Variants in STARD13 observed in about 807,000 individuals in gnomAD.
STARD13 encodes the protein stAR-related lipid transfer protein 13.
STARD13 carries 62 observed loss-of-function variants against 106.4 expected under a neutral mutation model. The ratio of observed to expected loss-of-function variants is 0.58; its 90% CI spans 0.48 to 0.72. The LOEUF (loss-of-function observed/expected upper bound fraction) is 0.72, where lower values mean the gene tolerates loss of function less well. STARD13 is among the 30% of genes least tolerant of loss of function. The probability of loss-of-function intolerance (pLI) is 0.00; values close to 1 mark genes in which losing one functional copy is unlikely to be tolerated. For synonymous variants in STARD13, 565 were observed against 553.0 expected (o/e 1.02, Z -0.31); for missense variants, 1,387 against 1,424.0 (o/e 0.97, Z 0.42).
the STARD13 span, among the ~76,000 whole-genome samples, chr13:33,412,645 C>T: frequency 2.0e-5 from 3 of 151,790 alleles, no homozygotes; most frequent in African/African-American, 4.8e-5. Context: ...ACCATACAAA[C>T]ATTAATTGAA....
At chr13:33,433,056 T>C in the STARD13 span, among the ~76,000 whole-genome samples, 1 of 152,172 alleles carries the variant, frequency 6.6e-6, no homozygotes, top group African/African-American at 2.4e-5. Flanking sequence ...AATGAGAAGA[T>C]TAAAAGGATG....
At position 33,198,411 on chromosome 13, in the gene STARD13, C is replaced by T. The variant is rs530706014; in HGVS notation, c.170-30789G>A. Among the ~76,000 whole-genome samples, 4 of 152,066 alleles carry T rather than the reference C, an allele frequency of 2.6e-5. No homozygotes were observed. In the South Asian group the frequency reaches 8.3e-4, roughly 32 times the overall value. On this transcript the variant is annotated intron_variant, in intron 1 of 13. Coordinates refer to ENST00000336934, the MANE Select transcript of STARD13 (RefSeq NM_178006.4). ...GCCCTATCTGTCTCCTCTGCTTGAC[C>T]CAGGCTTACCCCAGATGTTTAGAGA... is the stretch of plus-strand genomic sequence containing the variant.
At chr13:33,674,804 C>A in the STARD13 span, among the ~76,000 whole-genome samples, 1 of 151,980 alleles carries the variant, frequency 6.6e-6, no homozygotes. Context: ...CCCTATTATT[C>A]CTTTTCATTT....
chr13:33,461,879 G>A, the STARD13 span, among the ~76,000 whole-genome samples: 316 of 152,228 alleles, frequency 2.1e-3, no homozygotes, highest in Non-Finnish European at 3.9e-3. Flanking sequence ...TGCCCATACA[G>A]TCTTAAAAGT....
Position 33,225,773 on chromosome 13 carries a change from G to A in STARD13, c.170-58151C>T, listed in dbSNP as rs544534936. ...TTAATTAAAAAAAAAACAACTCTTC[G>A]TATTAATATGTGATTTCCTTCTAAT... is the stretch of plus-strand genomic sequence containing the variant. On this transcript the variant is annotated intron_variant, in intron 1 of 13. Coordinates refer to ENST00000336934, the MANE Select transcript of STARD13 (RefSeq NM_178006.4). 1.8e-4 allele frequency among the ~76,000 whole-genome samples: 27 copies of A among 151,294 alleles called. 2 individuals are homozygous for A. The South Asian group carries it at 4.2e-3, about 23-fold the overall frequency.
chr13:33,341,037 T>A (rs1222407584), intron 1 of STARD13, among the ~76,000 whole-genome samples: 2 of 152,208 alleles, frequency 1.3e-5, no homozygotes, highest in African/African-American at 4.8e-5. Context: ...CTCAACTCTT[T>A]TAGGACTAAA....
chr13:33,471,123 G>A, the STARD13 span, among the ~76,000 whole-genome samples: 1 of 152,216 alleles, frequency 6.6e-6, no homozygotes, highest in Non-Finnish European at 1.5e-5. Flanking sequence ...AAGGGATCCA[G>A]TTTCAGCTTT....
intron 3 of STARD13, among the ~76,000 whole-genome samples, chr13:33,145,939 C>T (rs1880470481): frequency 6.6e-6 from 1 of 151,604 alleles, no homozygotes; most frequent in Non-Finnish European, 1.5e-5. Context: ...CATCCCAGAA[C>T]TTTGGGAGGC....
In STARD13 at chr13:33,105,601, T is replaced by C. The variant is rs780502768; in HGVS notation, c.3334A>G (p.Lys1112Glu). The C allele has an allele frequency of 1.2e-6, 2 of 1,611,904 alleles. No homozygotes were observed. The highest frequency in any genetic ancestry group is 3.3e-5 in the Admixed American group (2 of 60,016). The change falls in exon 14 of 14, where the codon AAA (lysine) becomes GAA (glutamate). Residue 1112 changes from lysine to glutamate, a missense_variant. Lys to Glu is a moderately conservative substitution (Grantham distance 56). Transcript: ENST00000336934. ...GTCACACTGGGCAAAACTCAGATTT[T>C]AGTTTCTGGGCCCTCAGCAATGAGG... ...QPLIAEGPET[K>E]I
In STARD13 at chr13:33,185,778, A is replaced by G. The variant is rs1488661647; in HGVS notation, c.170-18156T>C. On this transcript the variant is annotated intron_variant, in intron 1 of 13. Transcript: ENST00000336934. ...TTTTATCTTTCCGCCATGTCCTTCC[A>G]GACCACCTGACCACTGCCACTGAGG... 3.4e-6 allele frequency: 4 copies of G among 1,188,356 alleles called. No individual in the cohort carries two copies. The African/African-American group carries it at 6.0e-5, about 18-fold the overall frequency. The allele number at this position is 1,188,356 out of a possible 1,614,324, so 73.6% of individuals were successfully genotyped here. A position where few individuals can be genotyped will look rare whatever the true frequency, so the allele number is the denominator to read the frequency against.
intron 1 of STARD13, among the ~76,000 whole-genome samples, chr13:33,258,478 AAG>A (rs1890479354): frequency 6.6e-6 from 1 of 152,172 alleles, no homozygotes; most frequent in African/African-American, 2.4e-5. Context: ...ATTAGGAAGA[AAG>A]AAAAAAAAAA....
At chr13:33,277,450 A>C (rs538421451) in intron 1 of STARD13, 1 of 152,264 alleles carries the variant, frequency 6.6e-6, no homozygotes, top group East Asian at 1.9e-4. Flanking sequence ...GAGAGCCTTT[A>C]TATAACCAAA....
At chr13:33,240,321 C>G (rs1373695750) in intron 1 of STARD13, among the ~76,000 whole-genome samples, 1 of 152,068 alleles carries the variant, frequency 6.6e-6, no homozygotes, top group Admixed American at 6.5e-5. Flanking sequence ...AAGTATGAAG[C>G]CTCCAACTTT....
intron 1 of STARD13, among the ~76,000 whole-genome samples, chr13:33,186,391 A>T (rs1885773419): frequency 6.6e-6 from 1 of 152,222 alleles, no homozygotes; most frequent in South Asian, 2.1e-4. Context: ...GTAAAGAAAC[A>T]GTGCGATTTC....
At chr13:33,135,386 A>G (rs933040606) in intron 4 of STARD13, among the ~76,000 whole-genome samples, 6 of 152,242 alleles carry the variant, frequency 3.9e-5, no homozygotes, top group African/African-American at 1.4e-4. Context: ...GTGTAGTCAA[A>G]TTCAAACGGT....
chr13:33,160,057 TCAGAATA>T (rs1566035414), intron 3 of STARD13, among the ~76,000 whole-genome samples: 1 of 152,128 alleles, frequency 6.6e-6, no homozygotes, highest in Non-Finnish European at 1.5e-5. Flanking sequence ...GTTAAAGAAC[TCAGAATA>T]TTGCATTCCA....
At chr13:33,381,941 C>T in the STARD13 span, among the ~76,000 whole-genome samples, 1 of 152,178 alleles carries the variant, frequency 6.6e-6, no homozygotes, top group African/African-American at 2.4e-5. Flanking sequence ...CCTGCCCCCT[C>T]TAGGGCTTGT....
the STARD13 span, among the ~76,000 whole-genome samples, chr13:33,415,080 T>C: frequency 1.3e-5 from 2 of 152,180 alleles, no homozygotes; most frequent in African/African-American, 4.8e-5. Flanking sequence ...AATAAAAACA[T>C]ACCTGTCGCC....
chr13:33,242,188 C>A (rs1889555231), intron 1 of STARD13, among the ~76,000 whole-genome samples: 1 of 152,186 alleles, frequency 6.6e-6, no homozygotes, highest in Non-Finnish European at 1.5e-5. Context: ...CTCCGCCCAG[C>A]AGCCGCCCCA....
Sources: allele counts gnomAD v4.1 joint callset (sites outside exome capture counted in the v4.1 genomes callset), GRCh38; gene constraint gnomAD v4.1.1; transcripts MANE v1.5; gene names NCBI Gene and HGNC (gene_info 2026-07-23, HGNC 2026-07-21).